RICTOR: variants seen among roughly 807,000 people sequenced by gnomAD.
RICTOR encodes RPTOR independent companion of MTOR complex 2.
In RICTOR, 49 loss-of-function variants were observed where a neutral mutation model predicts 214.9. That is an observed-to-expected ratio of 0.23 (90% CI 0.18 to 0.29). The LOEUF is 0.29. Ranked by LOEUF, RICTOR falls within the 10% of genes least tolerant of loss-of-function variation. The probability of loss-of-function intolerance (pLI) is 1.00; values close to 1 mark genes in which losing one functional copy is unlikely to be tolerated. For synonymous variants in RICTOR, 717 were observed against 711.3 expected (o/e 1.01, Z -0.13); for missense variants, 1,625 against 2,047.0 (o/e 0.79, Z 3.98).
At chr5:38,957,385 TA>T (rs1749351092) in intron 25 of RICTOR, among the ~76,000 whole-genome samples, 1 of 152,138 alleles carries the variant, frequency 6.6e-6, no homozygotes, top group Admixed American at 6.6e-5. Context: ...AATTAGATTA[TA>T]AAATCAAATG....
intron 2 of RICTOR, among the ~76,000 whole-genome samples, chr5:39,069,771 C>T (rs1759175031): frequency 6.6e-6 from 1 of 152,216 alleles, no homozygotes; most frequent in Admixed American, 6.5e-5. Flanking sequence ...AGCTCCTCTG[C>T]TTCCTAACTT....
rs141120013 is a variant in RICTOR, at chr5:39,023,070, T to A, written c.98-1934A>T. ...TCAAAACCACTGATAGAGATAATCT[T>A]AAAAGTAGCCAGATTAAAAACAAGA... is the stretch of plus-strand genomic sequence containing the variant. On this transcript the variant is annotated intron_variant, in intron 2 of 37. Transcript: ENST00000357387. Among the ~76,000 whole-genome samples the A allele has an allele frequency of 3.3e-5, 5 of 151,936 alleles. No individual in the cohort carries two copies. The East Asian group carries it at 9.7e-4, about 29-fold the overall frequency.
At chr5:38,968,389 TAATA>T (rs1750414847) in intron 11 of RICTOR, among the ~76,000 whole-genome samples, 1 of 151,898 alleles carries the variant, frequency 6.6e-6, no homozygotes, top group Non-Finnish European at 1.5e-5. Flanking sequence ...CTGATAATGA[TAATA>T]AATGACTATG....
At chr5:38,984,695 T>C (rs10461998) in intron 7 of RICTOR, among the ~76,000 whole-genome samples, 49,946 of 152,022 alleles carry the variant, frequency 0.33, 9,420 homozygotes, top group East Asian at 0.43. Context: ...ATTTATCACC[T>C]CAAGAAGGAA....
chr5:39,037,865 T>C (rs1447540535), intron 2 of RICTOR, among the ~76,000 whole-genome samples: 3 of 152,166 alleles, frequency 2.0e-5, no homozygotes, highest in Non-Finnish European at 4.4e-5. Context: ...ACCAGATGGA[T>C]TCACAGCCAA....
At chr5:39,049,413 T>C (rs1757701139) in intron 2 of RICTOR, among the ~76,000 whole-genome samples, 1 of 152,192 alleles carries the variant, frequency 6.6e-6, no homozygotes, top group Admixed American at 6.5e-5. Context: ...GTAAACACTT[T>C]AGGCTTTAAA....
chr5:38,974,676 A>G (rs918808563), intron 10 of RICTOR, among the ~76,000 whole-genome samples: 10 of 152,200 alleles, frequency 6.6e-5, no homozygotes, highest in African/African-American at 2.4e-4. Flanking sequence ...GTCCATCAGC[A>G]TAAGGAAAAT....
chr5:39,002,728 T>C, intron 4 of RICTOR, 62 bp from the exon 5 acceptor site: 1 of 1,504,532 alleles, frequency 6.6e-7, no homozygotes, highest in Non-Finnish European at 9.0e-7. Context: ...CACAAAATTA[T>C]ATTACCAAAT....
intron 1 of RICTOR, 76 bp downstream of exon 1, chr5:39,074,253 C>G (rs1759552062): frequency 1.3e-6 from 2 of 1,582,566 alleles, no homozygotes; most frequent in Non-Finnish European, 1.7e-6. Context: ...CGCTCCCCAA[C>G]CCAGGGCCAG....
chr5:39,074,264 G>A, intron 1 of RICTOR, 65 bp downstream of exon 1: 3 of 1,580,144 alleles, frequency 1.9e-6, no homozygotes, highest in Non-Finnish European at 2.6e-6. Context: ...CCAGGGCCAG[G>A]GGAAGGCAAG....
intron 7 of RICTOR, among the ~76,000 whole-genome samples, chr5:38,988,430 C>T (rs1752338448): frequency 6.6e-6 from 1 of 151,992 alleles, no homozygotes; most frequent in Non-Finnish European, 1.5e-5. Context: ...TGTTTTGATC[C>T]CTTTACCATT....
chr5:39,072,418 G>A (rs1344216660), intron 2 of RICTOR, among the ~76,000 whole-genome samples: 2 of 152,048 alleles, frequency 1.3e-5, no homozygotes, highest in Non-Finnish European at 2.9e-5. Context: ...ACTATATATA[G>A]GAGCTCGACG....
chr5:38,974,508 T>G (rs971729784), intron 10 of RICTOR, among the ~76,000 whole-genome samples: 1 of 152,054 alleles, frequency 6.6e-6, no homozygotes, highest in Non-Finnish European at 1.5e-5. Context: ...AGGATAGAAT[T>G]AATTTTTTTG....
rs1579840607 is a variant in RICTOR at position 38,940,562 on chromosome 5, T to C, written c.*1742A>G. 8.6e-6 allele frequency: 2 copies of C among 232,430 alleles called. No homozygotes were observed. Among genetic ancestry groups the C allele is most frequent in the South Asian group, 1.8e-4 (1 of 5,514 alleles). 14.4% of individuals were successfully genotyped at this position (232,430 alleles called of 1,614,324 possible). ...TCAGTGATAAAGTATAAAAAAATTA[T>C]TTATCTTCAACTGGATTTTATGAGA... On this transcript the variant is annotated 3_prime_UTR_variant, in exon 38 of 38. Coordinates refer to ENST00000357387, the MANE Select transcript of RICTOR (RefSeq NM_152756.5).
intron 2 of RICTOR, among the ~76,000 whole-genome samples, chr5:39,030,011 C>T (rs1021898390): frequency 2.6e-5 from 4 of 152,008 alleles, no homozygotes; most frequent in African/African-American, 4.8e-5. Context: ...AAGATTAATT[C>T]GTTTTTAAAG....
intron 7 of RICTOR, among the ~76,000 whole-genome samples, chr5:38,983,998 A>G (rs529531786): frequency 6.6e-6 from 1 of 152,134 alleles, no homozygotes; most frequent in East Asian, 1.9e-4. Flanking sequence ...AAAGAAAGAA[A>G]TCTGTATCTT....
chr5:39,048,755 T>C (rs1295197999), intron 2 of RICTOR, among the ~76,000 whole-genome samples: 1 of 152,156 alleles, frequency 6.6e-6, no homozygotes, highest in Admixed American at 6.5e-5. Flanking sequence ...CAACAAAGCA[T>C]TAAATTTCAG....
At chr5:38,990,136 A>AT (rs1399444106) in intron 7 of RICTOR, among the ~76,000 whole-genome samples, 1 of 152,178 alleles carries the variant, frequency 6.6e-6, no homozygotes, top group African/African-American at 2.4e-5. Flanking sequence ...TGTGGCACAT[A>AT]TACACCATGG....
At chr5:38,957,763 G>A in intron 24 of RICTOR, 33 bp from the exon 25 acceptor site, 1 of 1,193,294 alleles carries the variant, frequency 8.4e-7, no homozygotes, top group Non-Finnish European at 1.2e-6. Context: ...GTTTAACATT[G>A]AGTCTGGCAA....
Sources: gnomAD v4.1 joint callset for allele counts (sites outside exome capture counted in the v4.1 genomes callset) on GRCh38, gnomAD v4.1.1 for gene constraint, MANE v1.5 for transcripts, NCBI Gene and HGNC (gene_info 2026-07-23, HGNC 2026-07-21) for gene names.